NRXN3: variants seen among roughly 807,000 people sequenced by gnomAD.
The protein encoded by NRXN3 is neurexin 3.
In NRXN3, 32 loss-of-function variants were observed where a neutral mutation model predicts 137.6. The ratio of observed to expected loss-of-function variants is 0.23; its 90% CI spans 0.18 to 0.31. The LOEUF (loss-of-function observed/expected upper bound fraction) is 0.31, where lower values mean the gene tolerates loss of function less well. Ranked by LOEUF, NRXN3 falls within the 10% of genes least tolerant of loss-of-function variation. The pLI is 1.00. For synonymous variants in NRXN3, 798 were observed against 784.5 expected, an observed-to-expected ratio of 1.02 and a Z score of -0.29; for missense variants, 1,574 against 2,062.5, an observed-to-expected ratio of 0.76 and a Z score of 4.59.
At chr14:79,347,482 C>CTGGA (rs2092950981) in intron 15 of NRXN3, among the ~76,000 whole-genome samples, 8 of 150,814 alleles carry the variant, frequency 5.3e-5, no homozygotes, top group African/African-American at 2.0e-4. Context: ...AGTGCAGTGG[C>CTGGA]GTGATCTCGG....
intron 20 of NRXN3, among the ~76,000 whole-genome samples, chr14:79,855,664 G>A (rs1215130182): frequency 6.6e-6 from 1 of 151,924 alleles, no homozygotes; most frequent in Non-Finnish European, 1.5e-5. Flanking sequence ...ACTTTAGCAT[G>A]AAGCCACTAA....
intron 17 of NRXN3, among the ~76,000 whole-genome samples, chr14:79,672,923 T>C (rs2098617918): frequency 1.3e-5 from 2 of 152,090 alleles, no homozygotes; most frequent in Admixed American, 1.3e-4. Context: ...ACTGAGCTTC[T>C]TTGAGAAAGG....
At chr14:79,423,771 A>G (rs1390397745) in intron 15 of NRXN3, among the ~76,000 whole-genome samples, 1 of 152,218 alleles carries the variant, frequency 6.6e-6, no homozygotes, top group African/African-American at 2.4e-5. Flanking sequence ...TGTGGTAAAC[A>G]TGGCATGGAC....
chr14:79,083,423 A>G (rs1385321544), intron 15 of NRXN3, among the ~76,000 whole-genome samples: 1 of 152,190 alleles, frequency 6.6e-6, no homozygotes, highest in African/African-American at 2.4e-5. Flanking sequence ...GAGCCCTAGA[A>G]ATGAAGCAAG....
At chr14:79,531,014 C>T (rs1372596174) in intron 16 of NRXN3, among the ~76,000 whole-genome samples, 3 of 152,114 alleles carry the variant, frequency 2.0e-5, no homozygotes, top group Non-Finnish European at 4.4e-5. Context: ...TTTTATCTCC[C>T]AGCAGAAGTG....
At chr14:79,340,755 C>T (rs1013498599) in intron 15 of NRXN3, among the ~76,000 whole-genome samples, 1 of 152,210 alleles carries the variant, frequency 6.6e-6, no homozygotes, top group African/African-American at 2.4e-5. Flanking sequence ...TAAGCCACCG[C>T]GCCTGGCCTG....
At chr14:79,285,810 G>C (rs886512339) in intron 15 of NRXN3, among the ~76,000 whole-genome samples, 1 of 152,068 alleles carries the variant, frequency 6.6e-6, no homozygotes, top group Admixed American at 6.6e-5. Flanking sequence ...GAATTTTGAA[G>C]AGACACAGTT....
chr14:79,819,695 G>C (rs924600568), intron 20 of NRXN3, among the ~76,000 whole-genome samples: 1 of 151,874 alleles, frequency 6.6e-6, no homozygotes, highest in Non-Finnish European at 1.5e-5. Context: ...ATGTTGGCCA[G>C]ACTGGTCTCG....
chr14:78,581,130 C>T (rs2096990647), intron 4 of NRXN3, among the ~76,000 whole-genome samples: 1 of 152,190 alleles, frequency 6.6e-6, no homozygotes, highest in Non-Finnish European at 1.5e-5. Context: ...TAGAGAGCTA[C>T]TTGACCAAAA....
intron 4 of NRXN3, among the ~76,000 whole-genome samples, chr14:78,601,436 A>G (rs965536140): frequency 6.6e-6 from 1 of 150,678 alleles, no homozygotes; most frequent in East Asian, 1.9e-4. Flanking sequence ...TCATCTTTCT[A>G]TAGCCTGAAA....
At chr14:79,767,431 A>G (rs1448975392) in intron 19 of NRXN3, among the ~76,000 whole-genome samples, 8 of 152,110 alleles carry the variant, frequency 5.3e-5, no homozygotes, top group African/African-American at 1.7e-4. Context: ...TTCCCTGACC[A>G]TGTCAGATTT....
intron 15 of NRXN3, among the ~76,000 whole-genome samples, chr14:79,180,370 C>G (rs1235724625): frequency 6.6e-6 from 1 of 152,126 alleles, no homozygotes; most frequent in Admixed American, 6.5e-5. Context: ...TGGACTCATT[C>G]CCCATTTTTC....
At chr14:79,208,283 C>A (rs1236899912) in intron 15 of NRXN3, among the ~76,000 whole-genome samples, 2 of 152,152 alleles carry the variant, frequency 1.3e-5, no homozygotes, top group Non-Finnish European at 2.9e-5. Flanking sequence ...ACAGTTCCTG[C>A]ATTTATGGAA....
At chr14:79,259,440 T>C (rs948319423) in intron 15 of NRXN3, among the ~76,000 whole-genome samples, 18 of 152,002 alleles carry the variant, frequency 1.2e-4, no homozygotes, top group Admixed American at 9.8e-4. Context: ...ATTTCTCTAG[T>C]GTTTTTCTAA....
At chr14:79,662,428 A>C (rs2098538629) in intron 16 of NRXN3, among the ~76,000 whole-genome samples, 3 of 152,094 alleles carry the variant, frequency 2.0e-5, no homozygotes, top group Admixed American at 1.3e-4. Flanking sequence ...TCCAACTTTT[A>C]GTCATAACCA....
At chr14:78,257,412 C>T (rs574827095) in intron 2 of NRXN3, among the ~76,000 whole-genome samples, 49 of 152,322 alleles carry the variant, frequency 3.2e-4, no homozygotes, top group Middle Eastern at 6.8e-3. Context: ...TAGCACATAT[C>T]AGAGTTGCTC....
intron 15 of NRXN3, among the ~76,000 whole-genome samples, chr14:79,360,041 A>G (rs1221305554): frequency 6.6e-6 from 1 of 152,238 alleles, no homozygotes; most frequent in East Asian, 1.9e-4. Flanking sequence ...TACAAATGTT[A>G]TCCCATTGAG....
In NRXN3 at chr14:79,102,479, C is replaced by T. The variant is rs141888712; in HGVS notation, c.3262+114338C>T. On this transcript the variant is annotated intron_variant, in intron 15 of 20. Transcript: ENST00000335750. The stretch of plus-strand genomic sequence containing the variant: ...TCTTCATGTAGAATGTCTCTTAGAA[C>T]ACAGGCTTTTCAATTATTTTCAGTA... Among the ~76,000 whole-genome samples, 186 of 152,254 alleles carry T rather than the reference C, an allele frequency of 1.2e-3. 2 individuals carry two copies. The highest frequency in any genetic ancestry group is 4.3e-3 in the African/African-American group (180 of 41,560).
At chr14:78,175,823 C>T (rs213564) in intron 1 of NRXN3, among the ~76,000 whole-genome samples, 23,626 of 152,206 alleles carry the variant, frequency 0.16, 2,077 homozygotes, top group South Asian at 0.23. Context: ...TCCCCTTACC[C>T]CAACCTCCTG....
Sources: gnomAD v4.1 joint callset for allele counts (sites outside exome capture counted in the v4.1 genomes callset) on GRCh38, gnomAD v4.1.1 for gene constraint, MANE v1.5 for transcripts, NCBI Gene and HGNC (gene_info 2026-07-23, HGNC 2026-07-21) for gene names.